Variants in CBX6 observed in about 807,000 individuals in gnomAD.
CBX6 encodes the protein chromobox protein homolog 6.
A neutral mutation model predicts 28.4 loss-of-function variants in CBX6; 7 were observed. That is an observed-to-expected ratio of 0.25 (90% CI 0.14 to 0.46). The LOEUF (loss-of-function observed/expected upper bound fraction) is 0.46, where lower values mean the gene tolerates loss of function less well. Ranked by LOEUF, CBX6 falls within the 20% of genes least tolerant of loss-of-function variation. The pLI, the probability that CBX6 is intolerant of heterozygous loss-of-function variation, is 0.99. For synonymous variants in CBX6, 297 were observed against 273.4 expected, an observed-to-expected ratio of 1.09 and a Z score of -0.85; for missense variants, 512 against 606.1, an observed-to-expected ratio of 0.84 and a Z score of 1.63.
chr22:38,871,683 A>G lies in CBX6; in HGVS notation c.179+9T>C, dbSNP rs201405992. On this transcript the variant is annotated intron_variant, in intron 3 of 4. Transcript: ENST00000407418. The surrounding 1 kb of genome is among the most constrained non-coding windows in gnomAD (Gnocchi z 5.6). ...CTCGCAGCCCCTGCCAGCTTCCCCA[A>G]CAACTCACTTTTGTTCGAAGGCTGC... 1.2e-6 allele frequency: 2 copies of G among 1,613,420 alleles called. No homozygotes were observed. The highest frequency in any genetic ancestry group is 2.2e-5 in the East Asian group (1 of 44,846).
In CBX6 at chr22:38,866,517, C is replaced by T; in HGVS notation, c.931G>A (p.Glu311Lys). 2 of 1,582,562 alleles carry T rather than the reference C, an allele frequency of 1.3e-6. No homozygotes were observed. The highest frequency in any genetic ancestry group is 1.7e-6 in the Non-Finnish European group (2 of 1,170,958). Residue 311 changes from glutamate (E) to lysine (K), a missense_variant, in exon 5 of 5, where the codon GAG becomes AAG. Coordinates refer to ENST00000407418, the MANE Select transcript of CBX6 (RefSeq NM_014292.5). The surrounding 1 kb of genome is among the most constrained non-coding windows in gnomAD (Gnocchi z 7.5). Reference protein sequence around the residue: ...SPSAPSWREPEVLDLSLPPES... With the variant: ...SPSAPSWREPKVLDLSLPPES... ...GGAGGGAGGGACAGGTCGAGCACCT[C>T]CGGCTCGCGCCAGCTGGGGGCGGAT...
Position 38,866,601 on chromosome 22 carries a change from G to A in CBX6, c.847C>T (p.Pro283Ser), listed in dbSNP as rs758158657. Residue 283 changes from proline (P) to serine (S), a missense_variant, in exon 5 of 5, where the codon CCA becomes TCA. Pro to Ser is a moderately conservative substitution (Grantham distance 74). Around this residue, in one of 7 missense-constraint regions of CBX6, gnomAD observed 290 missense variants for 274.1 expected, o/e 1.06. Transcript: ENST00000407418. This position sits in a 1 kb window ranked among gnomAD's most constrained non-coding sequence, Gnocchi z 7.5. ...GTGTCGTCGGGGTCAGAGGACTGTG[G>A]TGTAGGCGAGGGGCAGCCGGAGGAG... The part of the protein sequence containing the change: ...SGSSGCPSPT[P>S]QSSDPDDTPP... 5.9e-5 allele frequency: 92 copies of A among 1,560,192 alleles called. 1 individual carries two copies. In the South Asian group the frequency reaches 1.0e-3, roughly 17 times the overall value.
At chr22:38,868,377 G>A (rs2093175305) in intron 4 of CBX6, among the ~76,000 whole-genome samples, 1 of 152,228 alleles carries the variant, frequency 6.6e-6, no homozygotes, top group South Asian at 2.1e-4. Context: ...CCCCAGGCTT[G>A]GAGAATGAAA....
chr22:38,867,296 A>T, intron 4 of CBX6, 95 bp from the exon 5 acceptor site: 2 of 1,085,968 alleles, frequency 1.8e-6, no homozygotes, highest in Non-Finnish European at 2.6e-6. Context: ...AGAGCCTCTC[A>T]GCCAGCGATC....
At chr22:38,869,087 C>T (rs1410029772) in intron 4 of CBX6, among the ~76,000 whole-genome samples, 4 of 152,214 alleles carry the variant, frequency 2.6e-5, no homozygotes, top group Non-Finnish European at 5.9e-5. Flanking sequence ...CAGCCCAGCT[C>T]CCAGGGATTG....
In CBX6 at chr22:38,871,409, C is replaced by T; in HGVS notation, c.246+71G>A. On this transcript the variant is annotated intron_variant, in intron 4 of 4. Transcript: ENST00000407418. The surrounding 1 kb of genome is among the most constrained non-coding windows in gnomAD (Gnocchi z 5.6). ...TGGGCGGCCGCGTATCTGTCCCTCC[C>T]TTCCAGGCCCCGTGCTGTGCCGGGG... 1.4e-6 allele frequency: 2 copies of T among 1,476,290 alleles called. No homozygotes were observed. The highest frequency in any genetic ancestry group is 1.8e-6 in the Non-Finnish European group (2 of 1,084,088). 91.4% of individuals were successfully genotyped at this position (1,476,290 alleles called of 1,614,324 possible).
rs1431007330 is a variant in CBX6, at chr22:38,863,569, G to GCC, written c.*2638_*2639dup. On this transcript the variant is annotated 3_prime_UTR_variant, in exon 5 of 5. Coordinates refer to ENST00000407418, the MANE Select transcript of CBX6 (RefSeq NM_014292.5). The stretch of plus-strand genomic sequence containing the variant: ...CTCACCCTCGGTCCCATCCACTCGG[G>GCC]CCCCCATGGGCACTGCCCACCTCAA... 6.6e-6 allele frequency: 1 copy of GCC among 152,230 alleles called. No homozygotes were observed. The highest frequency in any genetic ancestry group is 1.5e-5 in the Non-Finnish European group (1 of 68,106). The allele number at this position is 152,230 out of a possible 1,614,324, so 9.4% of individuals were successfully genotyped here. A position where few individuals can be genotyped will look rare whatever the true frequency, so the allele number is the denominator to read the frequency against.
chr22:38,867,075 G>C lies in CBX6; in HGVS notation c.373C>G (p.Arg125Gly). Residue 125 changes from arginine to glycine, a missense_variant, in exon 5 of 5, where the codon CGC (arginine) becomes GGC (glycine). By Grantham distance (125) the Arg-to-Gly change is moderately radical (BLOSUM62 -2). Coordinates refer to ENST00000407418, the MANE Select transcript of CBX6 (RefSeq NM_014292.5). ...GGACGGCGGGACATACGGTGGCAGC[G>C]GCGGATGTCCTTCTTGAGCCGGTGC... ...AVHRLKKDIR[R>G]CHRMSRRPLP... 6.2e-7 allele frequency: 1 copy of C among 1,603,096 alleles called. No individual in the cohort carries two copies.
chr22:38,869,283 T>TAGTC (rs1407618086), intron 4 of CBX6, among the ~76,000 whole-genome samples: 1 of 152,184 alleles, frequency 6.6e-6, no homozygotes, highest in Non-Finnish European at 1.5e-5. Flanking sequence ...GGTGACGGAC[T>TAGTC]GTTCCTGGGG....
rs1485080841 is a variant in CBX6 at position 38,869,278 on chromosome 22, C to T, written c.247-2077G>A. On this transcript the variant is annotated intron_variant, in intron 4 of 4. Coordinates refer to ENST00000407418, the MANE Select transcript of CBX6 (RefSeq NM_014292.5). The stretch of plus-strand genomic sequence containing the variant: ...TATGCTTCCAAGAGTCCAGTGGTGA[C>T]GGACTGTTCCTGGGGGAGGGGCAGA... 5.9e-5 allele frequency among the ~76,000 whole-genome samples: 9 copies of T among 152,254 alleles called. No individual in the cohort carries two copies. The East Asian group carries it at 1.4e-3, about 23-fold the overall frequency.
In CBX6 at chr22:38,867,142, G is replaced by A. The variant is rs766314560; in HGVS notation, c.306C>T (p.Ser102=). ...ISDVHFSVKP[S]ASASSPKLHS... is the part of the protein sequence containing the mutation. ...GCAGCTTGGGCGAGGAGGCACTGGC[G>A]CTCGGCTTGACAGAGAAATGCACAT... Residue 102 remains serine (S), a synonymous_variant, in exon 5 of 5, where the codon AGC becomes AGT. Transcript: ENST00000407418. 12 of 1,570,114 alleles carry A rather than the reference G, an allele frequency of 7.6e-6. No individual in the cohort carries two copies. In the South Asian group the frequency reaches 8.1e-5, roughly 11 times the overall value.
chr22:38,868,398 C>T (rs1372566758), intron 4 of CBX6, among the ~76,000 whole-genome samples: 5 of 152,198 alleles, frequency 3.3e-5, no homozygotes, highest in African/African-American at 7.2e-5. Flanking sequence ...CATCAAAGCC[C>T]GGCCCTGACA....
At chr22:38,869,801 C>T (rs1430613215) in intron 4 of CBX6, 5 of 152,194 alleles carry the variant, frequency 3.3e-5, no homozygotes, top group Non-Finnish European at 5.9e-5. Flanking sequence ...CTGGACACCT[C>T]TGGCCCTGTT....
At position 38,861,609 on chromosome 22, in the gene CBX6, G is replaced by A. The variant is rs959124618; in HGVS notation, c.*4600C>T. 3 of 152,114 alleles carry A rather than the reference G, an allele frequency of 2.0e-5. No homozygotes were observed. The highest frequency in any genetic ancestry group is 4.4e-5 in the Non-Finnish European group (3 of 68,066). The allele number at this position is 152,114 out of a possible 1,614,324, so 9.4% of individuals were successfully genotyped here. On this transcript the variant is annotated 3_prime_UTR_variant, in exon 5 of 5. Coordinates refer to ENST00000407418, the MANE Select transcript of CBX6 (RefSeq NM_014292.5). Reference sequence around the variant, plus strand: ...GACCCACCCCTCCCCCGGAACCGCCGAATCCAGAATGGAGCCCAAACCCAC... The same window carrying A: ...GACCCACCCCTCCCCCGGAACCGCCAAATCCAGAATGGAGCCCAAACCCAC...
chr22:38,867,163 C>T lies in CBX6; in HGVS notation c.285G>A (p.Val95=), dbSNP rs1252398702. The change falls in exon 5 of 5, where the codon GTG becomes GTA. Residue 95 remains valine, a synonymous_variant. Coordinates refer to ENST00000407418, the MANE Select transcript of CBX6 (RefSeq NM_014292.5). ...TGGCGCTCGGCTTGACAGAGAAATGCACATCACTGATGCGGAGGGCCTCGG... is the reference window on the plus strand; with the variant it reads ...TGGCGCTCGGCTTGACAGAGAAATGTACATCACTGATGCGGAGGGCCTCGG... ...AQAEALRISD[V]HFSVKPSASA... 3.3e-6 allele frequency: 5 copies of T among 1,514,300 alleles called. No homozygotes were observed. The allele number at this position is 1,514,300 out of a possible 1,614,324, so 93.8% of individuals were successfully genotyped here.
In CBX6 at chr22:38,867,049, G is replaced by A. The variant is rs1388999876; in HGVS notation, c.399C>T (p.Pro133=). 1 of 1,605,326 alleles carries A rather than the reference G, an allele frequency of 6.2e-7. No homozygotes were observed. Among genetic ancestry groups the A allele is most frequent in the South Asian group, 1.1e-5 (1 of 90,486 alleles). ...CCCCCTGCGGGTCCGGGCGGGGCAG[G>A]GGACGGCGGGACATACGGTGGCAGC... ...IRRCHRMSRR[P]LPRPDPQGGS... Residue 133 remains proline, a synonymous_variant, in exon 5 of 5, where the codon CCC becomes CCT. Transcript: ENST00000407418.
Position 38,866,834 on chromosome 22 carries a change from C to T in CBX6, c.614G>A (p.Arg205Gln), listed in dbSNP as rs930487149. 8 of 1,611,874 alleles carry T rather than the reference C, an allele frequency of 5.0e-6. No homozygotes were observed. In the African/African-American group the frequency reaches 6.7e-5, roughly 13 times the overall value. Residue 205 changes from arginine (R) to glutamine (Q), a missense_variant, in exon 5 of 5, where the codon CGG (arginine) becomes CAG (glutamine). Around this residue, in one of 7 missense-constraint regions of CBX6, gnomAD observed 290 missense variants for 274.1 expected, o/e 1.06. Coordinates refer to ENST00000407418, the MANE Select transcript of CBX6 (RefSeq NM_014292.5). The surrounding 1 kb of genome is among the most constrained non-coding windows in gnomAD (Gnocchi z 7.5). ...GALARPKVPSRNRVIGKSKKF... is the reference protein window; with the variant it reads ...GALARPKVPSQNRVIGKSKKF... ...CTTGCTCTTGCCTATAACGCGGTTC[C>T]GCGAGGGGACTTTGGGGCGGGCCAG...
rs1450638324 is a variant in CBX6, at chr22:38,864,666, G to A, written c.*1543C>T. On this transcript the variant is annotated 3_prime_UTR_variant, in exon 5 of 5. Transcript: ENST00000407418. ...GAAGGAAGGCAGCCTCCCATTCTTA[G>A]GACCAAAGGCGCTAGGGTTCTGATC... 1.3e-5 allele frequency: 2 copies of A among 152,334 alleles called. No individual in the cohort carries two copies. Among genetic ancestry groups the A allele is most frequent in the East Asian group, 3.9e-4 (2 of 5,194 alleles). The allele number at this position is 152,334 out of a possible 1,614,324, so 9.4% of individuals were successfully genotyped here. A position where few individuals can be genotyped will look rare whatever the true frequency, so the allele number is the denominator to read the frequency against.
chr22:38,872,128 G>A lies in CBX6; in HGVS notation c.63C>T (p.Ile21=). Residue 21 remains isoleucine, a synonymous_variant, in exon 1 of 5, where the codon ATC becomes ATT. Coordinates refer to ENST00000407418, the MANE Select transcript of CBX6 (RefSeq NM_014292.5). This position sits in a 1 kb window ranked among gnomAD's most constrained non-coding sequence, Gnocchi z 5.0. Reference sequence around the variant, plus strand: ...GCCCCGGGCGGCGGCTCACCTTTCGGATCCGCCGTTTGATGATGGATTCGG... The same window carrying A: ...GCCCCGGGCGGCGGCTCACCTTTCGAATCCGCCGTTTGATGATGGATTCGG... ...FAAESIIKRR[I]RKGRIEYLVK... 2.1e-6 allele frequency: 3 copies of A among 1,421,448 alleles called. No homozygotes were observed. Among genetic ancestry groups the A allele is most frequent in the Non-Finnish European group, 2.8e-6 (3 of 1,072,580 alleles). The allele number at this position is 1,421,448 out of a possible 1,614,324, so 88.1% of individuals were successfully genotyped here.
Sources: allele counts gnomAD v4.1 joint callset (sites outside exome capture counted in the v4.1 genomes callset), GRCh38; gene constraint gnomAD v4.1.1; regional missense constraint gnomAD v4.1.1; non-coding constraint Gnocchi (gnomAD v3.1); transcripts MANE v1.5; gene names NCBI Gene and HGNC (gene_info 2026-07-23, HGNC 2026-07-21).